The following FSTL5 variants were observed in gnomAD, a reference collection of about 807,000 sequenced individuals.
The protein encoded by FSTL5 is follistatin like 5.
Under a neutral mutation model 89.1 loss-of-function variants are expected in FSTL5, and 62 were observed. That is an observed-to-expected ratio of 0.70 (90% CI 0.57 to 0.86). The LOEUF is 0.86. FSTL5 is among the 40% of genes least tolerant of loss of function. The pLI is 0.00. For synonymous variants in FSTL5, 383 were observed against 346.2 expected, an observed-to-expected ratio of 1.11 and a Z score of -1.18; for missense variants, 1,057 against 1,001.6, an observed-to-expected ratio of 1.06 and a Z score of -0.75.
At chr4:161,938,030 C>T (rs1734480258) in intron 3 of FSTL5, among the ~76,000 whole-genome samples, 2 of 152,104 alleles carry the variant, frequency 1.3e-5, no homozygotes, top group Admixed American at 1.3e-4. Context: ...ACAGACCTTC[C>T]TTTACACTTT....
At chr4:161,540,812 A>G (rs1323366961) in intron 9 of FSTL5, among the ~76,000 whole-genome samples, 1 of 152,082 alleles carries the variant, frequency 6.6e-6, no homozygotes, top group African/African-American at 2.4e-5. Context: ...TAAATGTCGC[A>G]AGAACATGCT....
chr4:161,826,461 C>T (rs182208059), intron 4 of FSTL5, among the ~76,000 whole-genome samples: 1 of 152,080 alleles, frequency 6.6e-6, no homozygotes, highest in East Asian at 1.9e-4. Flanking sequence ...TCTTGATGAC[C>T]TGTTTACTGC....
chr4:162,125,505 GTGGTT>G, intron 1 of FSTL5, among the ~76,000 whole-genome samples: 1 of 152,050 alleles, frequency 6.6e-6, no homozygotes, highest in African/African-American at 2.4e-5. Context: ...ACCTGTATCT[GTGGTT>G]ATGTTTTTAA....
chr4:161,483,706 G>T (rs1729592422), intron 12 of FSTL5, among the ~76,000 whole-genome samples: 1 of 152,114 alleles, frequency 6.6e-6, no homozygotes, highest in African/African-American at 2.4e-5. Context: ...AAAAATAGTA[G>T]AGGAATGTTT....
At chr4:161,485,139 A>G (rs1433349283) in intron 12 of FSTL5, among the ~76,000 whole-genome samples, 1 of 152,204 alleles carries the variant, frequency 6.6e-6, no homozygotes, top group African/African-American at 2.4e-5. Flanking sequence ...TATGAACTGA[A>G]AAGTCTAAGA....
At chr4:161,549,591 T>C (rs557613336) in intron 8 of FSTL5, among the ~76,000 whole-genome samples, 2 of 152,042 alleles carry the variant, frequency 1.3e-5, no homozygotes, top group East Asian at 2.0e-4. Context: ...AGAGTATATG[T>C]AACATACGTT....
At chr4:161,653,937 AAT>A (rs1490117213) in intron 7 of FSTL5, among the ~76,000 whole-genome samples, 2 of 152,192 alleles carry the variant, frequency 1.3e-5, no homozygotes, top group East Asian at 3.8e-4. Context: ...AGCTTAACTA[AAT>A]ATGGCTCAAA....
intron 10 of FSTL5, among the ~76,000 whole-genome samples, chr4:161,522,182 C>T (rs1183849782): frequency 6.6e-6 from 1 of 152,138 alleles, no homozygotes; most frequent in African/African-American, 2.4e-5. Flanking sequence ...CAACAGATAG[C>T]AGCTGCAGTT....
intron 6 of FSTL5, among the ~76,000 whole-genome samples, chr4:161,754,186 G>A (rs1176341021): frequency 1.3e-5 from 2 of 151,068 alleles, no homozygotes; most frequent in East Asian, 1.9e-4. Context: ...GAACAATAGA[G>A]CTATTACACA....
chr4:161,525,903 C>T (rs939062213), intron 10 of FSTL5, among the ~76,000 whole-genome samples: 3 of 152,044 alleles, frequency 2.0e-5, no homozygotes, highest in African/African-American at 7.2e-5. Flanking sequence ...GGTATGTTTT[C>T]TTTATAATTA....
At chr4:161,948,154 G>A (rs1199907872) in intron 3 of FSTL5, among the ~76,000 whole-genome samples, 1 of 151,650 alleles carries the variant, frequency 6.6e-6, no homozygotes, top group African/African-American at 2.4e-5. Context: ...GTAGTTGTGT[G>A]CACTTATAGT....
At chr4:162,162,241 T>C (rs1234475087) in intron 1 of FSTL5, among the ~76,000 whole-genome samples, 1 of 152,116 alleles carries the variant, frequency 6.6e-6, no homozygotes, top group African/African-American at 2.4e-5. Flanking sequence ...TCCTAGTAAC[T>C]CTAATGCAAC....
Position 161,538,263 on chromosome 4 carries a change from AT to A in FSTL5, c.1214del (p.Tyr405LeufsTer34). ...GSEVHISNVRYEDTGAYTCIA... is the reference protein window; with the variant it reads ...GSEVHISNVRXEDTGAYTCIA... Reference sequence around the variant, plus strand: ...TACAAGTGTATGCTCCAGTATCTTCATAGCGCACATTGCTTATGTGAACCTC... The same window carrying A: ...TACAAGTGTATGCTCCAGTATCTTCAAGCGCACATTGCTTATGTGAACCTC... On this transcript the variant is annotated frameshift_variant, in exon 10 of 16. Coordinates refer to ENST00000306100, the MANE Select transcript of FSTL5 (RefSeq NM_020116.5). LOFTEE classifies it high-confidence loss of function. The A allele has an allele frequency of 6.2e-7, 1 of 1,614,064 alleles. No homozygotes were observed. Among genetic ancestry groups the A allele is most frequent in the Non-Finnish European group, 8.5e-7 (1 of 1,179,944 alleles).
chr4:162,124,396 T>A (rs1316861131), intron 1 of FSTL5, among the ~76,000 whole-genome samples: 1 of 152,172 alleles, frequency 6.6e-6, no homozygotes, highest in Non-Finnish European at 1.5e-5. Context: ...CAGTAATTTT[T>A]AGCAACTTTC....
chr4:161,566,419 G>C (rs1057034787), intron 8 of FSTL5, among the ~76,000 whole-genome samples: 9 of 151,918 alleles, frequency 5.9e-5, no homozygotes, highest in African/African-American at 2.2e-4. Flanking sequence ...AATGAACATA[G>C]GGCTGCATAT....
At chr4:161,548,526 C>G (rs572712986) in intron 8 of FSTL5, among the ~76,000 whole-genome samples, 1 of 151,884 alleles carries the variant, frequency 6.6e-6, no homozygotes, top group South Asian at 2.1e-4. Flanking sequence ...TCAGTATATG[C>G]ACCATGCTGA....
At chr4:161,965,072 C>T (rs1312270836) in intron 3 of FSTL5, among the ~76,000 whole-genome samples, 4 of 151,998 alleles carry the variant, frequency 2.6e-5, no homozygotes, top group Non-Finnish European at 2.9e-5. Context: ...ACTGATAATT[C>T]GTAAGCATAC....
At chr4:161,994,510 T>A (rs1227996904) in intron 3 of FSTL5, among the ~76,000 whole-genome samples, 1 of 151,998 alleles carries the variant, frequency 6.6e-6, no homozygotes, top group Admixed American at 6.5e-5. Flanking sequence ...AATGTATAAG[T>A]GTTCCCTTTT....
At position 161,987,470 on chromosome 4, in the gene FSTL5, G is replaced by GTATA. The variant is rs201220219; in HGVS notation, c.160+46151_160+46154dup. ...TTAACAGCTCACTTTATATATATAT[G>GTATA]TATATATATATATATACATACATAT... is the stretch of plus-strand genomic sequence containing the variant. On this transcript the variant is annotated intron_variant, in intron 3 of 15. Coordinates refer to ENST00000306100, the MANE Select transcript of FSTL5 (RefSeq NM_020116.5). 2.3e-3 allele frequency among the ~76,000 whole-genome samples: 305 copies of GTATA among 130,128 alleles called. 2 individuals carry two copies. Among genetic ancestry groups the GTATA allele is most frequent in the South Asian group, 0.018 (78 of 4,378 alleles). 85.4% of individuals were successfully genotyped at this position (130,128 alleles called of 152,430 possible).
Sources: allele counts gnomAD v4.1 joint callset (sites outside exome capture counted in the v4.1 genomes callset), GRCh38; gene constraint gnomAD v4.1.1; transcripts MANE v1.5; gene names NCBI Gene and HGNC (gene_info 2026-07-23, HGNC 2026-07-21).